The following CSMD1 variants were observed in gnomAD, a reference collection of about 807,000 sequenced individuals.
The protein encoded by CSMD1 is CUB and Sushi multiple domains 1.
A neutral mutation model predicts 417.5 loss-of-function variants in CSMD1; 213 were observed. The observed-to-expected ratio is 0.51, with a 90% CI of 0.46 to 0.57. The LOEUF is 0.57. CSMD1 is among the 20% of genes least tolerant of loss of function. The probability of loss-of-function intolerance (pLI) is 0.00; values close to 1 mark genes in which losing one functional copy is unlikely to be tolerated. For missense variants in CSMD1, 6,923 were observed against 4,529.7 expected, an observed-to-expected ratio of 1.53 and a Z score of -15.17; for synonymous variants, 2,862 against 1,736.8, an observed-to-expected ratio of 1.65 and a Z score of -16.11.
rs368078550 is a variant in CSMD1 at position 4,670,925 on chromosome 8, AT to A, written c.86-33368del. On this transcript the variant is annotated intron_variant, in intron 1 of 69. Transcript: ENST00000635120. Reference sequence around the variant, plus strand: ...TTTAGTGACAAGGATAGCTTTATTAATTGAGCAGTCATATAACAAACAGTCA... The same window carrying A: ...TTTAGTGACAAGGATAGCTTTATTAATGAGCAGTCATATAACAAACAGTCA... 2.4e-3 allele frequency among the ~76,000 whole-genome samples: 371 copies of A among 152,344 alleles called. 5 individuals are homozygous for A. Among genetic ancestry groups the A allele is most frequent in the African/African-American group, 8.7e-3 (360 of 41,578 alleles).
intron 1 of CSMD1, among the ~76,000 whole-genome samples, chr8:4,764,878 A>AAAAAAAC (rs1812343546): frequency 2.1e-5 from 1 of 47,610 alleles, no homozygotes; most frequent in Non-Finnish European, 3.6e-5. Context: ...ATCTCAAAAA[A>AAAAAAAC]AAAAAAAAAA....
chr8:3,945,686 G>T (rs186967344), intron 5 of CSMD1, among the ~76,000 whole-genome samples: 5 of 152,222 alleles, frequency 3.3e-5, no homozygotes, highest in Non-Finnish European at 5.9e-5. Context: ...CGACAGTCCA[G>T]ATAGCTCATC....
At chr8:4,242,512 G>A (rs371925977) in intron 3 of CSMD1, among the ~76,000 whole-genome samples, 3 of 152,286 alleles carry the variant, frequency 2.0e-5, no homozygotes, top group Admixed American at 6.5e-5. Flanking sequence ...TATTTATTAA[G>A]TATCTTAAAA....
intron 25 of CSMD1, among the ~76,000 whole-genome samples, chr8:3,290,852 C>G (rs1274458391): frequency 1.3e-5 from 2 of 151,634 alleles, no homozygotes; most frequent in South Asian, 2.1e-4. Flanking sequence ...GCCGGAACTT[C>G]CAACACTATA....
At chr8:4,554,605 C>A (rs1017430246) in intron 2 of CSMD1, among the ~76,000 whole-genome samples, 1 of 152,142 alleles carries the variant, frequency 6.6e-6, no homozygotes. Context: ...ATACACCGTT[C>A]TCAGGATGTG....
At chr8:4,247,898 T>A (rs1350560824) in intron 3 of CSMD1, among the ~76,000 whole-genome samples, 3 of 152,168 alleles carry the variant, frequency 2.0e-5, no homozygotes, top group Non-Finnish European at 4.4e-5. Context: ...AGGGATAAAT[T>A]TTCACCCAGA....
intron 3 of CSMD1, among the ~76,000 whole-genome samples, chr8:4,173,688 T>C (rs1366413134): frequency 6.6e-6 from 1 of 152,126 alleles, no homozygotes; most frequent in African/African-American, 2.4e-5. Context: ...TAGGAAAATT[T>C]CTGAATTACT....
chr8:4,205,574 G>A (rs991558408), intron 3 of CSMD1, among the ~76,000 whole-genome samples: 21 of 152,196 alleles, frequency 1.4e-4, no homozygotes, highest in Admixed American at 1.4e-3. Context: ...AAGTGACACA[G>A]CATATAAATG....
intron 41 of CSMD1, among the ~76,000 whole-genome samples, chr8:3,135,840 G>T (rs909265262): frequency 6.6e-6 from 1 of 152,114 alleles, no homozygotes; most frequent in African/African-American, 2.4e-5. Context: ...TGCAGTAGGA[G>T]AAGCAGGGTC....
intron 23 of CSMD1, 143 bp from the exon 24 acceptor site, chr8:3,308,646 A>G: frequency 1.6e-6 from 1 of 641,446 alleles, no homozygotes; most frequent in Non-Finnish European, 2.7e-6. Flanking sequence ...AGGGGAAAAG[A>G]AAGATGGGTC....
chr8:4,350,037 G>T (rs564892782), intron 3 of CSMD1, among the ~76,000 whole-genome samples: 1 of 152,066 alleles, frequency 6.6e-6, no homozygotes, highest in Non-Finnish European at 1.5e-5. Flanking sequence ...GACTAAAGAG[G>T]CTTAGTTTTA....
At chr8:3,970,874 C>G (rs905212439) in intron 5 of CSMD1, among the ~76,000 whole-genome samples, 1 of 152,128 alleles carries the variant, frequency 6.6e-6, no homozygotes, top group Admixed American at 6.5e-5. Flanking sequence ...GCCTCAGCCT[C>G]CTGAGTAGCT....
chr8:4,231,783 C>T (rs989867652), intron 3 of CSMD1, among the ~76,000 whole-genome samples: 1 of 152,104 alleles, frequency 6.6e-6, no homozygotes, highest in African/African-American at 2.4e-5. Context: ...GCCTCAGTCC[C>T]CATACTCAGG....
intron 1 of CSMD1, among the ~76,000 whole-genome samples, chr8:4,792,160 T>A (rs1797727277): frequency 6.6e-6 from 1 of 152,174 alleles, no homozygotes; most frequent in South Asian, 2.1e-4. Flanking sequence ...TCCTCCTTCC[T>A]ATCTTTCTTT....
chr8:3,873,281 T>G (rs975671775), intron 5 of CSMD1, among the ~76,000 whole-genome samples: 1 of 151,860 alleles, frequency 6.6e-6, no homozygotes, highest in Non-Finnish European at 1.5e-5. Context: ...CTATTCACAA[T>G]AGCAAAGACA....
At chr8:4,654,402 G>T (rs1804096692) in intron 1 of CSMD1, among the ~76,000 whole-genome samples, 1 of 152,022 alleles carries the variant, frequency 6.6e-6, no homozygotes, top group South Asian at 2.1e-4. Context: ...CTCTATTCTG[G>T]GGAAGTAGAG....
intron 1 of CSMD1, among the ~76,000 whole-genome samples, chr8:4,968,516 T>A (rs964842192): frequency 2.6e-5 from 4 of 152,102 alleles, no homozygotes; most frequent in African/African-American, 9.7e-5. Context: ...AAAACTAATT[T>A]CCACCTGCAC....
chr8:3,685,158 A>G (rs1799882946), intron 7 of CSMD1, among the ~76,000 whole-genome samples: 2 of 152,342 alleles, frequency 1.3e-5, no homozygotes, highest in South Asian at 4.1e-4. Flanking sequence ...CATTTCAGTC[A>G]CATTTAAATT....
intron 10 of CSMD1, among the ~76,000 whole-genome samples, chr8:3,545,608 T>C (rs958548462): frequency 6.6e-6 from 1 of 152,190 alleles, no homozygotes; most frequent in African/African-American, 2.4e-5. Flanking sequence ...GGCTCTCCAC[T>C]GCCGTAACCC....
Sources: allele counts gnomAD v4.1 joint callset (sites outside exome capture counted in the v4.1 genomes callset), GRCh38; gene constraint gnomAD v4.1.1; transcripts MANE v1.5; gene names NCBI Gene and HGNC (gene_info 2026-07-23, HGNC 2026-07-21).